STX4: variants seen among roughly 807,000 people sequenced by gnomAD.
STX4 encodes syntaxin-4.
STX4 carries 24 observed loss-of-function variants against 41.8 expected under a neutral mutation model. The ratio of observed to expected loss-of-function variants is 0.57; its 90% CI spans 0.42 to 0.81. The LOEUF (loss-of-function observed/expected upper bound fraction) is 0.81. STX4 is among the 30% of genes least tolerant of loss of function. The pLI is 0.00. For missense variants in STX4, 316 were observed against 389.9 expected, an observed-to-expected ratio of 0.81 and a Z score of 1.60; for synonymous variants, 158 against 156.4, an observed-to-expected ratio of 1.01 and a Z score of -0.08.
Position 31,039,644 on chromosome 16 carries a change from C to G in STX4, c.806C>G (p.Ala269Gly). 6.2e-7 allele frequency: 1 copy of G among 1,614,170 alleles called. No homozygotes were observed. ...ACGGCCCTGGAGAACCAGAAGAAGG[C>G]GAGGAAGGTGAGCCTCCCAGGCCCG... Reference protein sequence around the residue: ...VKTALENQKKARKKKVLIAIC... With the variant: ...VKTALENQKKGRKKKVLIAIC... The change falls in exon 9 of 11, where the codon GCG becomes GGG. Residue 269 changes from alanine to glycine, a missense_variant. Transcript: ENST00000313843. The surrounding 1 kb of genome is among the most constrained non-coding windows in gnomAD (Gnocchi z 4.1).
Position 31,038,530 on chromosome 16 carries a change from G to A in STX4, c.585G>A (p.Val195=), listed in dbSNP as rs746381223. 6.8e-6 allele frequency: 11 copies of A among 1,614,004 alleles called. No individual in the cohort carries two copies. Among genetic ancestry groups the A allele is most frequent in the Non-Finnish European group, 9.3e-6 (11 of 1,180,028 alleles). The change falls in exon 8 of 11, where the codon GTG becomes GTA. Residue 195 remains valine, a synonymous_variant. Coordinates refer to ENST00000313843, the MANE Select transcript of STX4 (RefSeq NM_004604.5). ...FVSNILKDTQ[V]TRQALNEISA... Reference sequence around the variant, plus strand: ...CCCAGATCCTGAAGGACACGCAGGTGACTCGACAGGCCTTAAATGAGATCT... The same window carrying A: ...CCCAGATCCTGAAGGACACGCAGGTAACTCGACAGGCCTTAAATGAGATCT...
In STX4 at chr16:31,038,627, G is replaced by C; in HGVS notation, c.682G>C (p.Ala228Pro). The C allele has an allele frequency of 6.2e-7, 1 of 1,614,076 alleles. No homozygotes were observed. Among genetic ancestry groups the C allele is most frequent in the African/African-American group, 1.3e-5 (1 of 75,020 alleles). The change falls in exon 8 of 11, where the codon GCT becomes CCT. Residue 228 changes from alanine (A) to proline (P), a missense_variant. Ala to Pro is a conservative substitution (Grantham distance 27, BLOSUM62 -1). Coordinates refer to ENST00000313843, the MANE Select transcript of STX4 (RefSeq NM_004604.5). ...GCTGCACGACATATTCACTTTTCTG[G>C]CTACCGAAGTGGAGATGCAGGTGGG... is the stretch of plus-strand genomic sequence containing the variant. ...RELHDIFTFL[A>P]TEVEMQGEMI...
upstream of STX4, chr16:31,033,214 CAG>C: frequency 1.6e-6 from 1 of 636,358 alleles, no homozygotes; most frequent in Non-Finnish European, 3.0e-6. This position sits in a 1 kb window ranked among gnomAD's most constrained non-coding sequence, Gnocchi z 5.5. Flanking sequence ...AACGGCGTCC[CAG>C]AGACGGCGGT....
Position 31,040,129 on chromosome 16 carries a change from G to A in STX4, c.*233G>A, listed in dbSNP as rs566170843. On this transcript the variant is annotated 3_prime_UTR_variant, in exon 11 of 11. Coordinates refer to ENST00000313843, the MANE Select transcript of STX4 (RefSeq NM_004604.5). The stretch of plus-strand genomic sequence containing the variant: ...CTGTCCTGATTGGCCGGGACACACG[G>A]TTTTGTAAAAAATTAAAAAACAAAA... 4.6e-5 allele frequency: 15 copies of A among 328,674 alleles called. No individual in the cohort carries two copies. The highest frequency in any genetic ancestry group is 3.2e-4 in the Admixed American group (7 of 22,128). The allele number at this position is 328,674 out of a possible 1,614,324, so 20.4% of individuals were successfully genotyped here. A position where few individuals can be genotyped will look rare whatever the true frequency, so the allele number is the denominator to read the frequency against.
Position 31,037,548 on chromosome 16 carries a change from T to C in STX4, c.379-378T>C, listed in dbSNP as rs1358624664. On this transcript the variant is annotated intron_variant, in intron 5 of 10. Transcript: ENST00000313843. ...GGTGGCGCGTGCCTGTAGTCCCAGC[T>C]ACTCGGGAGGCTGAGGCAAGAGAAT... Among the ~76,000 whole-genome samples, 3 of 151,240 alleles carry C rather than the reference T, an allele frequency of 2.0e-5. No individual in the cohort carries two copies. In the East Asian group the frequency reaches 5.9e-4, roughly 30 times the overall value.
chr16:31,037,995 G>C lies in STX4; in HGVS notation c.448G>C (p.Glu150Gln), dbSNP rs1212161380. 1.2e-6 allele frequency: 2 copies of C among 1,614,176 alleles called. No individual in the cohort carries two copies. The highest frequency in any genetic ancestry group is 1.7e-6 in the Non-Finnish European group (2 of 1,180,022). Residue 150 changes from glutamate to glutamine, a missense_variant, in exon 6 of 11, where the codon GAG (glutamate) becomes CAG (glutamine). Transcript: ENST00000313843. ...CAATTCAATGCAGTCCGAATACCGG[G>C]AGAAGAACGTGGAGCGGATTCGGAG... ...KCNSMQSEYR[E>Q]KNVERIRRQL...
intron 4 of STX4, 164 bp downstream of exon 4, chr16:31,034,700 A>T (rs1338424851): frequency 1.1e-5 from 9 of 800,924 alleles, no homozygotes; most frequent in African/African-American, 1.8e-5. Flanking sequence ...TACTCTCCAC[A>T]GCACAAGTCC....
Position 31,039,688 on chromosome 16 carries a change from CT to C in STX4, c.814-34del. 1 of 1,614,186 alleles carries C rather than the reference CT, an allele frequency of 6.2e-7. No individual in the cohort carries two copies. The highest frequency in any genetic ancestry group is 1.1e-5 in the South Asian group (1 of 91,086). ...AGGCCCGGCCACTGCCCCAGGCACC[CT>C]GTGTGACTTCCCTGACCCCCTCCTC... On this transcript the variant is annotated intron_variant, in intron 9 of 10. Transcript: ENST00000313843. This position sits in a 1 kb window ranked among gnomAD's most constrained non-coding sequence, Gnocchi z 4.1.
At chr16:31,037,637 G>A (rs1415660819) in intron 5 of STX4, among the ~76,000 whole-genome samples, 1 of 151,044 alleles carries the variant, frequency 6.6e-6, no homozygotes, top group Non-Finnish European at 1.5e-5. Flanking sequence ...TCCAGCCTGG[G>A]CAACAAGAGT....
chr16:31,036,791 A>T (rs2056802268), intron 5 of STX4, among the ~76,000 whole-genome samples: 1 of 152,164 alleles, frequency 6.6e-6, no homozygotes, highest in East Asian at 1.9e-4. Context: ...GGGAATGAGC[A>T]TTCTAGGTAG....
At chr16:31,033,348 A>C, upstream of STX4, 2 of 836,644 alleles carry the variant, frequency 2.4e-6, no homozygotes, top group Non-Finnish European at 4.0e-6. The surrounding 1 kb of genome is among the most constrained non-coding windows in gnomAD (Gnocchi z 5.5). Flanking sequence ...GGTGTCTCGG[A>C]TTACGTACAA....
chr16:31,039,313 C>G lies in STX4; in HGVS notation c.703-228C>G. On this transcript the variant is annotated intron_variant, in intron 8 of 10. Coordinates refer to ENST00000313843, the MANE Select transcript of STX4 (RefSeq NM_004604.5). This position sits in a 1 kb window ranked among gnomAD's most constrained non-coding sequence, Gnocchi z 4.1. Reference sequence around the variant, plus strand: ...ATTTGAGGCCCTTAGCTCCAAGCTACCACTGCAGATAGAGGTTGTATGGGA... The same window carrying G: ...ATTTGAGGCCCTTAGCTCCAAGCTAGCACTGCAGATAGAGGTTGTATGGGA... 1.9e-6 allele frequency: 1 copy of G among 525,358 alleles called. No homozygotes were observed. The highest frequency in any genetic ancestry group is 2.2e-5 in the South Asian group (1 of 44,786). 32.5% of individuals were successfully genotyped at this position (525,358 alleles called of 1,614,324 possible).
chr16:31,033,990 G>A lies in STX4; in HGVS notation c.31-23G>A. On this transcript the variant is annotated intron_variant, in intron 1 of 10. Transcript: ENST00000313843. The surrounding 1 kb of genome is among the most constrained non-coding windows in gnomAD (Gnocchi z 5.5). ...GTAAGAGCCGCAGCGAAACGGTGGT[G>A]CCAATGACTCCGGGCCTGGCAGGGG... 3.2e-6 allele frequency: 5 copies of A among 1,557,118 alleles called. No individual in the cohort carries two copies. Among genetic ancestry groups the A allele is most frequent in the Non-Finnish European group, 4.4e-6 (5 of 1,149,230 alleles).
At chr16:31,035,815 T>G (rs1317689951) in intron 5 of STX4, 1 of 152,054 alleles carries the variant, frequency 6.6e-6, no homozygotes, top group Non-Finnish European at 1.5e-5. Context: ...GGAGTCTCAC[T>G]CTGTCCCTCA....
In STX4 at chr16:31,037,929, G is replaced by A; in HGVS notation, c.382G>A (p.Gly128Arg). ...AGCCTATATTCTTCATCTTTAGCATGGGGTCCTGTCCCAGCAATTCGTGGA... is the reference window on the plus strand; with the variant it reads ...AGCCTATATTCTTCATCTTTAGCATAGGGTCCTGTCCCAGCAATTCGTGGA... ...VNTRMRKTQH[G>R]VLSQQFVELI... Residue 128 changes from glycine (G) to arginine (R), a missense_variant, in exon 6 of 11, where the codon GGG becomes AGG. By Grantham distance (125) the Gly-to-Arg change is moderately radical (BLOSUM62 -2). Transcript: ENST00000313843. 6.2e-7 allele frequency: 1 copy of A among 1,614,008 alleles called. No individual in the cohort carries two copies. The highest frequency in any genetic ancestry group is 8.5e-7 in the Non-Finnish European group (1 of 1,179,958).
intron 5 of STX4, among the ~76,000 whole-genome samples, chr16:31,037,427 C>T (rs905633731): frequency 3.1e-4 from 47 of 151,040 alleles, no homozygotes; most frequent in African/African-American, 1.1e-3. Context: ...TAATGGAGGC[C>T]GAGGCAGGTG....
chr16:31,033,747 G>A lies in STX4; in HGVS notation c.-59G>A. ...GTGTCAGAGTGTGAGCGGGGTACGGGAATTCCAAATTTGAGGGCCTCCCGG... is the reference window on the plus strand; with the variant it reads ...GTGTCAGAGTGTGAGCGGGGTACGGAAATTCCAAATTTGAGGGCCTCCCGG... On this transcript the variant is annotated 5_prime_UTR_variant, in exon 1 of 11. Coordinates refer to ENST00000313843, the MANE Select transcript of STX4 (RefSeq NM_004604.5). This position sits in a 1 kb window ranked among gnomAD's most constrained non-coding sequence, Gnocchi z 5.5. 6.9e-7 allele frequency: 1 copy of A among 1,453,534 alleles called. No individual in the cohort carries two copies. Among genetic ancestry groups the A allele is most frequent in the East Asian group, 2.5e-5 (1 of 39,830 alleles). The allele number at this position is 1,453,534 out of a possible 1,614,324, so 90.0% of individuals were successfully genotyped here.
intron 3 of STX4, 63 bp from the exon 4 acceptor site, chr16:31,034,399 T>C (rs894056630): frequency 2.7e-5 from 43 of 1,606,100 alleles, no homozygotes; most frequent in Non-Finnish European, 3.4e-5. Flanking sequence ...ACGCAGGTGG[T>C]GGCCAGAGTG....
At position 31,039,893 on chromosome 16, in the gene STX4, C is replaced by A; in HGVS notation, c.*16-19C>A. ...CCTCCCTCCTCCCTCAGACCCTGTT[C>A]TCCCTCCTTTCCTTACAGGCACTAG... On this transcript the variant is annotated intron_variant, in intron 10 of 10. Coordinates refer to ENST00000313843, the MANE Select transcript of STX4 (RefSeq NM_004604.5). The surrounding 1 kb of genome is among the most constrained non-coding windows in gnomAD (Gnocchi z 4.1). 1.4e-6 allele frequency: 2 copies of A among 1,454,192 alleles called. No individual in the cohort carries two copies. Among genetic ancestry groups the A allele is most frequent in the Non-Finnish European group, 1.9e-6 (2 of 1,041,644 alleles). 90.1% of individuals were successfully genotyped at this position (1,454,192 alleles called of 1,614,324 possible). A position where few individuals can be genotyped will look rare whatever the true frequency, so the allele number is the denominator to read the frequency against.
Sources: gnomAD v4.1 joint callset for allele counts (sites outside exome capture counted in the v4.1 genomes callset) on GRCh38, gnomAD v4.1.1 for gene constraint, Gnocchi (gnomAD v3.1) non-coding constraint, MANE v1.5 for transcripts, NCBI Gene and HGNC (gene_info 2026-07-23, HGNC 2026-07-21) for gene names.